The following MGAT4C variants were observed in gnomAD, a reference collection of about 807,000 sequenced individuals.
The protein encoded by MGAT4C is alpha-1,3-mannosyl-glycoprotein 4-beta-N-acetylglucosaminyltransferase C.
MGAT4C carries 19 observed loss-of-function variants against 40.1 expected under a neutral mutation model. That is an observed-to-expected ratio of 0.47 (90% CI 0.33 to 0.70). MGAT4C has a LOEUF of 0.70. Among genes scored for constraint, MGAT4C ranks in the 30% least tolerant of loss-of-function variants. MGAT4C has a pLI of 0.02. For synonymous variants in MGAT4C, 181 were observed against 187.1 expected (o/e 0.97, Z 0.27); for missense variants, 491 against 563.2 (o/e 0.87, Z 1.30).
chr12:86,744,761 C>T (rs910162718), intron 1 of MGAT4C, among the ~76,000 whole-genome samples: 3 of 151,414 alleles, frequency 2.0e-5, no homozygotes, highest in Admixed American at 6.6e-5. Context: ...AGAACACACT[C>T]TGAGATTCTG....
intron 4 of MGAT4C, among the ~76,000 whole-genome samples, chr12:86,262,779 G>C (rs1212628427): frequency 6.6e-6 from 1 of 151,894 alleles, no homozygotes; most frequent in African/African-American, 2.4e-5. Context: ...ACCTTTTAAA[G>C]GTAATTTCTG....
intron 2 of MGAT4C, among the ~76,000 whole-genome samples, chr12:86,649,185 A>T (rs1400960494): frequency 6.6e-6 from 1 of 151,720 alleles, no homozygotes; most frequent in Non-Finnish European, 1.5e-5. Flanking sequence ...ACTTCTTCCA[A>T]AAACCTCTGT....
intron 2 of MGAT4C, among the ~76,000 whole-genome samples, chr12:86,667,542 CAGTCTCT>C (rs1964143965): frequency 6.6e-6 from 1 of 152,130 alleles, no homozygotes; most frequent in Non-Finnish European, 1.5e-5. Flanking sequence ...ATAAGCCATT[CAGTCTCT>C]GTTACTATTA....
intron 1 of MGAT4C, among the ~76,000 whole-genome samples, chr12:86,195,983 T>C (rs865721): frequency 0.76 from 115,645 of 152,122 alleles, 44,436 homozygotes; most frequent in Middle Eastern, 0.83. Context: ...TAAACATACA[T>C]ATGTATCAGT....
chr12:86,243,306 A>T lies in MGAT4C; in HGVS notation c.-57+12933T>A, dbSNP rs998490252. Among the ~76,000 whole-genome samples, 36 of 152,158 alleles carry T rather than the reference A, an allele frequency of 2.4e-4. 1 individual carries two copies. Among genetic ancestry groups the T allele is most frequent in the African/African-American group, 2.4e-5 (1 of 41,434 alleles). ...ATTAATAAAATATATCTAACAAATG[A>T]TTTGGCAGTGGCAGCTGACAGTCAC... On this transcript the variant is annotated intron_variant, in intron 1 of 4. Coordinates refer to ENST00000611864, the MANE Select transcript of MGAT4C (RefSeq NM_001351288.2).
intron 1 of MGAT4C, among the ~76,000 whole-genome samples, chr12:86,233,439 A>G (rs1462291934): frequency 6.6e-6 from 1 of 152,194 alleles, no homozygotes; most frequent in Non-Finnish European, 1.5e-5. Context: ...AAGGACTCCG[A>G]AGGTGCAGCC....
intron 2 of MGAT4C, among the ~76,000 whole-genome samples, chr12:86,716,952 CTGT>C (rs1950653480): frequency 6.6e-6 from 1 of 152,026 alleles, no homozygotes; most frequent in Non-Finnish European, 1.5e-5. Flanking sequence ...ATAATCTAAG[CTGT>C]TGTCATTGTA....
chr12:86,488,850 A>T (rs2897331), intron 2 of MGAT4C, among the ~76,000 whole-genome samples: 151,709 of 152,230 alleles, frequency 1, 75,595 homozygotes, highest in Middle Eastern at 1. Context: ...TTCTATTTCA[A>T]CAGCAAAAAA....
chr12:86,468,086 T>A (rs1957707125), intron 2 of MGAT4C, among the ~76,000 whole-genome samples: 1 of 152,068 alleles, frequency 6.6e-6, no homozygotes, highest in Non-Finnish European at 1.5e-5. Context: ...CAGCCAAAAA[T>A]TATTTCTTTA....
At chr12:86,139,421 T>G (rs1220148508) in intron 1 of MGAT4C, among the ~76,000 whole-genome samples, 1 of 152,102 alleles carries the variant, frequency 6.6e-6, no homozygotes, top group African/African-American at 2.4e-5. Flanking sequence ...AACTATAAAA[T>G]AATACTGTAT....
chr12:86,106,860 G>A (rs970150656), intron 1 of MGAT4C, among the ~76,000 whole-genome samples: 3 of 152,118 alleles, frequency 2.0e-5, no homozygotes, highest in African/African-American at 7.2e-5. Flanking sequence ...AGTAGATTGA[G>A]AATAATCAGT....
At position 85,959,841 on chromosome 12, in the gene MGAT4C, TTGA is replaced by T. The variant is rs1883018081; in HGVS notation, c.*19445_*19447del. On this transcript the variant is annotated 3_prime_UTR_variant, in exon 5 of 5. Transcript: ENST00000611864. The stretch of plus-strand genomic sequence containing the variant: ...TATGAAATTACTTTTAGATAAAGTA[TTGA>T]TATTGTCATTTATCAATTTTATTAT... The T allele has an allele frequency of 6.6e-6, 1 of 151,994 alleles. No individual in the cohort carries two copies. The allele number at this position is 151,994 out of a possible 1,614,324, so 9.4% of individuals were successfully genotyped here. A position where few individuals can be genotyped will look rare whatever the true frequency, so the allele number is the denominator to read the frequency against.
At chr12:86,386,991 G>A (rs1956063960) in intron 3 of MGAT4C, among the ~76,000 whole-genome samples, 1 of 152,144 alleles carries the variant, frequency 6.6e-6, no homozygotes, top group Non-Finnish European at 1.5e-5. Flanking sequence ...TTTGAAGCAA[G>A]TTGCATAGTT....
chr12:86,139,440 C>T (rs1370568766), intron 1 of MGAT4C, among the ~76,000 whole-genome samples: 1 of 151,884 alleles, frequency 6.6e-6, no homozygotes, highest in African/African-American at 2.4e-5. Flanking sequence ...ATATATTCTT[C>T]TATGACAACT....
intron 1 of MGAT4C, among the ~76,000 whole-genome samples, chr12:86,808,412 A>G (rs970745605): frequency 2.0e-5 from 3 of 152,118 alleles, no homozygotes; most frequent in African/African-American, 7.2e-5. Context: ...CTAGCAGCCC[A>G]TCAAAAAGCT....
intron 2 of MGAT4C, among the ~76,000 whole-genome samples, chr12:86,437,839 C>G (rs1957162919): frequency 6.6e-6 from 1 of 151,858 alleles, no homozygotes; most frequent in Admixed American, 6.6e-5. Flanking sequence ...CCATGTAAGA[C>G]AGTGAAATGT....
At chr12:86,463,351 A>G (rs1592877563) in intron 2 of MGAT4C, among the ~76,000 whole-genome samples, 2 of 152,280 alleles carry the variant, frequency 1.3e-5, no homozygotes, top group Admixed American at 6.5e-5. Flanking sequence ...TCATGCCCCA[A>G]GAAGACTATT....
intron 4 of MGAT4C, among the ~76,000 whole-genome samples, chr12:86,303,893 G>A (rs778088842): frequency 4.0e-5 from 6 of 150,110 alleles, no homozygotes; most frequent in African/African-American, 1.0e-4. Flanking sequence ...CTCTGTCTTC[G>A]TCTGTGTGTC....
chr12:86,193,766 T>A (rs1889780285), intron 1 of MGAT4C, among the ~76,000 whole-genome samples: 1 of 152,300 alleles, frequency 6.6e-6, no homozygotes, highest in South Asian at 2.1e-4. Flanking sequence ...ATGTGCCTTT[T>A]GTTTAAATCA....
Sources: allele counts gnomAD v4.1 joint callset (sites outside exome capture counted in the v4.1 genomes callset), GRCh38; gene constraint gnomAD v4.1.1; transcripts MANE v1.5; gene names NCBI Gene and HGNC (gene_info 2026-07-23, HGNC 2026-07-21).